Variants in MACROD2 observed in about 807,000 individuals in gnomAD.
MACROD2 encodes the protein mono-ADP ribosylhydrolase 2, also known as ADP-ribose glycohydrolase MACROD2.
Under a neutral mutation model 70.4 loss-of-function variants are expected in MACROD2, and 36 were observed. That is an observed-to-expected ratio of 0.51 (90% CI 0.39 to 0.68). The LOEUF (loss-of-function observed/expected upper bound fraction) is 0.68, where lower values mean the gene tolerates loss of function less well. Ranked by LOEUF, MACROD2 falls within the 30% of genes least tolerant of loss-of-function variation. The pLI is 0.00. For synonymous variants in MACROD2, 172 were observed against 178.8 expected, an observed-to-expected ratio of 0.96 and a Z score of 0.30; for missense variants, 496 against 538.4, an observed-to-expected ratio of 0.92 and a Z score of 0.78.
At chr20:15,474,215 A>C (rs547956309) in intron 7 of MACROD2, among the ~76,000 whole-genome samples, 6 of 152,372 alleles carry the variant, frequency 3.9e-5, no homozygotes, top group African/African-American at 1.4e-4. Flanking sequence ...TAAATCATTT[A>C]TAACTAGCAA....
At chr20:14,273,864 C>T (rs1170631916) in intron 3 of MACROD2, among the ~76,000 whole-genome samples, 3 of 152,134 alleles carry the variant, frequency 2.0e-5, no homozygotes, top group Non-Finnish European at 2.9e-5. Flanking sequence ...ATACTACAAA[C>T]ACCTCTACGC....
intron 5 of MACROD2, among the ~76,000 whole-genome samples, chr20:14,719,004 C>T (rs1446807255): frequency 4.6e-5 from 7 of 152,000 alleles, no homozygotes; most frequent in African/African-American, 9.7e-5. Context: ...GAGGCTGAGG[C>T]GGGCAGATCA....
At chr20:14,128,100 T>G in intron 3 of MACROD2, 1 of 548,566 alleles carries the variant, frequency 1.8e-6, no homozygotes, top group Non-Finnish European at 3.6e-6. Context: ...AGTGGTCATG[T>G]GTGCTTGTTC....
intron 10 of MACROD2, among the ~76,000 whole-genome samples, chr20:15,896,305 CTACTGATTTCCACCTTTTA>C (rs1368049153): frequency 1.3e-5 from 2 of 152,192 alleles, no homozygotes; most frequent in Non-Finnish European, 2.9e-5. Context: ...CTCACAGGTA[CTACTGATTTCCACCTTTTA>C]ACTGATAATG....
intron 6 of MACROD2, among the ~76,000 whole-genome samples, chr20:15,275,918 T>C (rs2077386817): frequency 6.6e-6 from 1 of 152,136 alleles, no homozygotes; most frequent in Admixed American, 6.5e-5. Flanking sequence ...AGCATGGATA[T>C]TGATTTTTAA....
At chr20:15,138,003 A>G (rs1406968261) in intron 5 of MACROD2, among the ~76,000 whole-genome samples, 4 of 152,150 alleles carry the variant, frequency 2.6e-5, no homozygotes, top group East Asian at 1.9e-4. Context: ...TTACTTCCAT[A>G]TATTTTTAAA....
rs565160845 is a variant in MACROD2 at position 14,996,887 on chromosome 20, G to A, written c.419-233053G>A. 1.7e-4 allele frequency among the ~76,000 whole-genome samples: 26 copies of A among 152,304 alleles called. 1 individual carries two copies. In the South Asian group the frequency reaches 5.4e-3, roughly 32 times the overall value. On this transcript the variant is annotated intron_variant, in intron 5 of 17. Coordinates refer to ENST00000684519, the MANE Select transcript of MACROD2 (RefSeq NM_001351661.2). ...CCACTACTGGCTGAAGTGCTCCATT[G>A]TAGTCCTTGTGGCCTAGACTGCCTT...
chr20:15,182,185 CAT>C (rs1419854467), intron 5 of MACROD2, among the ~76,000 whole-genome samples: 1 of 152,166 alleles, frequency 6.6e-6, no homozygotes, highest in Non-Finnish European at 1.5e-5. Context: ...GATATCTTTT[CAT>C]ATTCCTAAGC....
chr20:14,720,081 G>A (rs1007349505), intron 5 of MACROD2, among the ~76,000 whole-genome samples: 2 of 152,136 alleles, frequency 1.3e-5, no homozygotes, highest in African/African-American at 4.8e-5. Context: ...AGAGGATGCT[G>A]TGCTAAAAAG....
At chr20:15,249,979 G>A (rs187744324) in intron 6 of MACROD2, among the ~76,000 whole-genome samples, 41 of 152,252 alleles carry the variant, frequency 2.7e-4, no homozygotes, top group African/African-American at 8.9e-4. Context: ...CCCTTACTAC[G>A]TTGTTTAGAC....
rs2064851237 is a variant in MACROD2, at chr20:15,888,653, CCACCAGG to C, written c.775+2843_775+2849del. ...TGGATCACCATTTCTGATTTTAGTT[CCACCAGG>C]TTTCCTGGGAGTTTTGTCACCAGCA... On this transcript the variant is annotated intron_variant, in intron 10 of 17. Transcript: ENST00000684519. Among the ~76,000 whole-genome samples the C allele has an allele frequency of 8.5e-5, 13 of 152,228 alleles. No homozygotes were observed. In the South Asian group the frequency reaches 2.5e-3, roughly 29 times the overall value.
intron 8 of MACROD2, among the ~76,000 whole-genome samples, chr20:15,726,565 C>CT (rs1376161462): frequency 6.6e-6 from 1 of 152,074 alleles, no homozygotes. Context: ...TAAGCATTCT[C>CT]TTTTTTCTGC....
rs183113096 is a variant in MACROD2, at chr20:15,330,298, A to G, written c.540+100237A>G. Among the ~76,000 whole-genome samples the G allele has an allele frequency of 7.1e-3, 1,079 of 151,714 alleles. 37 individuals carry two copies. Among genetic ancestry groups the G allele is most frequent in the African/African-American group, 0.025 (1,020 of 41,226 alleles). ...TACAACGTGTTTTAACAAGCCCTCC[A>G]TGTGATTGTCAGGCAGGGCTCTAAA... On this transcript the variant is annotated intron_variant, in intron 6 of 17. Coordinates refer to ENST00000684519, the MANE Select transcript of MACROD2 (RefSeq NM_001351661.2).
Position 14,782,752 on chromosome 20 carries a change from G to A in MACROD2, c.418+97793G>A, listed in dbSNP as rs540429248. Reference sequence around the variant, plus strand: ...CAGTCCTGCTTCCCTCACTTCCACTGTAGTTGTTAATCTCAAGATCACTCC... The same window carrying A: ...CAGTCCTGCTTCCCTCACTTCCACTATAGTTGTTAATCTCAAGATCACTCC... On this transcript the variant is annotated intron_variant, in intron 5 of 17. Coordinates refer to ENST00000684519, the MANE Select transcript of MACROD2 (RefSeq NM_001351661.2). Among the ~76,000 whole-genome samples the A allele has an allele frequency of 2.0e-5, 3 of 152,144 alleles. No homozygotes were observed. In the South Asian group the frequency reaches 6.2e-4, roughly 32 times the overall value.
At chr20:14,158,453 T>G (rs1183254899) in intron 3 of MACROD2, among the ~76,000 whole-genome samples, 1 of 152,166 alleles carries the variant, frequency 6.6e-6, no homozygotes, top group Non-Finnish European at 1.5e-5. Flanking sequence ...GTCTCTATTT[T>G]TTGTTGTTGT....
At chr20:14,905,208 T>G (rs2210048) in intron 5 of MACROD2, 134,681 of 152,176 alleles carry the variant, frequency 0.89, 59,655 homozygotes, top group East Asian at 1. Flanking sequence ...AGAAAATGTT[T>G]TGGACATTTA....
intron 5 of MACROD2, among the ~76,000 whole-genome samples, chr20:14,770,368 G>T (rs2072148965): frequency 2.0e-5 from 3 of 151,850 alleles, no homozygotes; most frequent in Admixed American, 2.0e-4. Context: ...TCTGTAGGGG[G>T]ACCATTCTGA....
chr20:14,764,483 A>G (rs1281559661), intron 5 of MACROD2, among the ~76,000 whole-genome samples: 1 of 151,974 alleles, frequency 6.6e-6, no homozygotes, highest in Non-Finnish European at 1.5e-5. Context: ...GTGCTCTAGT[A>G]TACACTTGTG....
intron 8 of MACROD2, among the ~76,000 whole-genome samples, chr20:15,775,052 G>A (rs748572239): frequency 6.6e-6 from 1 of 152,052 alleles, no homozygotes; most frequent in African/African-American, 2.4e-5. Context: ...GAGAAGTGTA[G>A]CCTCCAGTCA....
Sources: allele counts gnomAD v4.1 joint callset (sites outside exome capture counted in the v4.1 genomes callset), GRCh38; gene constraint gnomAD v4.1.1; transcripts MANE v1.5; gene names NCBI Gene and HGNC (gene_info 2026-07-23, HGNC 2026-07-21).